Variants in SV2C observed in about 807,000 individuals in gnomAD.
SV2C encodes the protein solute carrier family 22 member B3.
SV2C carries 49 observed loss-of-function variants against 79.7 expected under a neutral mutation model. The observed-to-expected ratio is 0.61, with a 90% CI of 0.49 to 0.78. The LOEUF (loss-of-function observed/expected upper bound fraction) is 0.78. SV2C is among the 30% of genes least tolerant of loss of function. SV2C has a pLI of 0.00. For missense variants in SV2C, 833 were observed against 912.9 expected (o/e 0.91, Z 1.13); for synonymous variants, 334 against 333.2 (o/e 1.00, Z -0.03).
intron 12 of SV2C, among the ~76,000 whole-genome samples, chr5:76,315,957 G>T (rs181633294): frequency 6.6e-6 from 1 of 152,102 alleles, no homozygotes; most frequent in African/African-American, 2.4e-5. Flanking sequence ...ACACACAAAC[G>T]AAGCAGGTCA....
chr5:76,094,397 A>G (rs1747477856), intron 1 of SV2C, among the ~76,000 whole-genome samples: 1 of 152,188 alleles, frequency 6.6e-6, no homozygotes, highest in Non-Finnish European at 1.5e-5. Context: ...CTTGAAATTC[A>G]AATAAAAGGA....
the SV2C span, among the ~76,000 whole-genome samples, chr5:75,964,103 GT>G: frequency 5.1e-3 from 768 of 152,008 alleles, 9 homozygotes; most frequent in African/African-American, 0.016. Flanking sequence ...GAGTATTTCT[GT>G]TTCCCCCAAG....
the SV2C span, among the ~76,000 whole-genome samples, chr5:75,894,635 C>T: frequency 1.1e-4 from 16 of 152,136 alleles, no homozygotes; most frequent in South Asian, 8.3e-4. Flanking sequence ...CTGCTTTCTC[C>T]GGGAGGATTT....
At chr5:75,906,963 A>G in the SV2C span, among the ~76,000 whole-genome samples, 3 of 152,336 alleles carry the variant, frequency 2.0e-5, no homozygotes, top group East Asian at 5.8e-4. Context: ...ATTATCCAGA[A>G]CAAAATGTCA....
At chr5:76,106,486 G>A (rs547278701) in intron 1 of SV2C, among the ~76,000 whole-genome samples, 2 of 152,146 alleles carry the variant, frequency 1.3e-5, no homozygotes, top group Non-Finnish European at 2.9e-5. Context: ...AGTAAAAGCC[G>A]AAGTCCTTAC....
At chr5:75,913,908 T>C in the SV2C span, among the ~76,000 whole-genome samples, 1 of 152,118 alleles carries the variant, frequency 6.6e-6, no homozygotes, top group Admixed American at 6.5e-5. Context: ...ATATTTTTAT[T>C]GTGATAAAGA....
the SV2C span, among the ~76,000 whole-genome samples, chr5:75,953,701 C>T: frequency 6.6e-6 from 1 of 151,938 alleles, no homozygotes; most frequent in East Asian, 1.9e-4. Context: ...CCTCAGCTCC[C>T]TTGTTCCTTA....
chr5:75,880,901 G>A, the SV2C span, among the ~76,000 whole-genome samples: 1 of 152,164 alleles, frequency 6.6e-6, no homozygotes, highest in Non-Finnish European at 1.5e-5. Flanking sequence ...GTTGGCTCAT[G>A]GTTCTGCAAG....
chr5:76,338,300 A>G (rs940133963), downstream of SV2C, among the ~76,000 whole-genome samples: 1 of 152,208 alleles, frequency 6.6e-6, no homozygotes, highest in African/African-American at 2.4e-5. Context: ...TCTACTCCAG[A>G]GCTCTCAGGG....
At chr5:76,287,245 C>G (rs1747387433) in intron 6 of SV2C, among the ~76,000 whole-genome samples, 1 of 152,060 alleles carries the variant, frequency 6.6e-6, no homozygotes, top group Non-Finnish European at 1.5e-5. Flanking sequence ...CACACATGGC[C>G]ATTTCTTAGG....
intron 12 of SV2C, among the ~76,000 whole-genome samples, chr5:76,322,352 G>A (rs929037615): frequency 1.3e-5 from 2 of 152,134 alleles, no homozygotes; most frequent in African/African-American, 2.4e-5. Context: ...ACTCTTCAAG[G>A]AGAACTACAA....
rs1747874928 is a variant in SV2C at position 76,298,867 on chromosome 5, A to G, written c.1576A>G (p.Thr526Ala). Residue 526 changes from threonine (T) to alanine (A), a missense_variant, in exon 10 of 13, where the codon ACT becomes GCT. Thr to Ala is a moderately conservative substitution (Grantham distance 58). Coordinates refer to ENST00000502798, the MANE Select transcript of SV2C (RefSeq NM_014979.4). ...VFKSCTFEDV[T>A]SVNTYFKNCT... ...TAAGTCCTGCACCTTTGAGGATGTAACTTCAGTGAACACCTACTTCAAGAA... is the reference window on the plus strand; with the variant it reads ...TAAGTCCTGCACCTTTGAGGATGTAGCTTCAGTGAACACCTACTTCAAGAA... 2 of 1,614,026 alleles carry G rather than the reference A, an allele frequency of 1.2e-6. No homozygotes were observed. The highest frequency in any genetic ancestry group is 1.7e-6 in the Non-Finnish European group (2 of 1,179,914).
intron 2 of SV2C, among the ~76,000 whole-genome samples, chr5:76,144,161 A>C (rs2112214479): frequency 6.6e-6 from 1 of 152,354 alleles, no homozygotes; most frequent in East Asian, 1.9e-4. Context: ...ACAATTAAAA[A>C]AATGCAGTGT....
chr5:76,218,597 G>A (rs991123655), intron 4 of SV2C, among the ~76,000 whole-genome samples: 1 of 152,146 alleles, frequency 6.6e-6, no homozygotes, highest in East Asian at 1.9e-4. Context: ...ATACACCAAG[G>A]CCTGTTGGTT....
chr5:76,215,346 A>G (rs990347552), intron 4 of SV2C, among the ~76,000 whole-genome samples: 2 of 152,114 alleles, frequency 1.3e-5, no homozygotes, highest in Non-Finnish European at 2.9e-5. Context: ...AATAAGGAGA[A>G]CAGTGAGCCT....
chr5:76,042,783 C>T, the SV2C span, among the ~76,000 whole-genome samples: 4 of 152,242 alleles, frequency 2.6e-5, no homozygotes. Flanking sequence ...TACCTCAGTA[C>T]TCACATCTTC....
At chr5:76,094,785 G>A (rs1341399771) in intron 1 of SV2C, among the ~76,000 whole-genome samples, 4 of 151,944 alleles carry the variant, frequency 2.6e-5, no homozygotes, top group Admixed American at 2.6e-4. Flanking sequence ...TTTCAATTGG[G>A]TTGCTTGCTT....
intron 12 of SV2C, among the ~76,000 whole-genome samples, chr5:76,339,184 G>A (rs541439523): frequency 5.1e-4 from 78 of 152,050 alleles, no homozygotes; most frequent in African/African-American, 1.9e-3. Context: ...CACAATTTAC[G>A]CATTTTAAAA....
Position 76,291,209 on chromosome 5 carries a change from T to C in SV2C, c.1138-12T>C. 6.3e-7 allele frequency: 1 copy of C among 1,599,520 alleles called. No individual in the cohort carries two copies. The highest frequency in any genetic ancestry group is 8.5e-7 in the Non-Finnish European group (1 of 1,170,834). On this transcript the variant is annotated splice_polypyrimidine_tract_variant and intron_variant, in intron 6 of 12. Transcript: ENST00000502798. ...AAGGTAACTTAGCGCTTTGGTCTGT[T>C]TCTCTCTACAGGTAAACAAAATAAA... is the stretch of plus-strand genomic sequence containing the variant.
Sources: allele counts gnomAD v4.1 joint callset (sites outside exome capture counted in the v4.1 genomes callset), GRCh38; gene constraint gnomAD v4.1.1; transcripts MANE v1.5; gene names NCBI Gene and HGNC (gene_info 2026-07-23, HGNC 2026-07-21).